CAGE1: variants seen among roughly 807,000 people sequenced by gnomAD.
The protein encoded by CAGE1 is cancer antigen 1.
CAGE1 carries 66 observed loss-of-function variants against 94.9 expected under a neutral mutation model. The ratio of observed to expected loss-of-function variants is 0.70; its 90% CI spans 0.57 to 0.85. The LOEUF is 0.85. Among genes scored for constraint, CAGE1 ranks in the 40% least tolerant of loss-of-function variants. CAGE1 has a pLI of 0.00. For synonymous variants in CAGE1, 319 were observed against 321.0 expected (o/e 0.99, Z 0.07); for missense variants, 865 against 950.4 (o/e 0.91, Z 1.18).
intron 4 of CAGE1, among the ~76,000 whole-genome samples, chr6:7,375,411 A>G (rs373233031): frequency 1.3e-5 from 2 of 152,104 alleles, no homozygotes; most frequent in South Asian, 2.1e-4. Flanking sequence ...TCTGTCTCAA[A>G]AAAACAAAAA....
At position 7,389,504 on chromosome 6, in the gene CAGE1, T is replaced by C. The variant is rs564792241; in HGVS notation, c.-326A>G. 4 of 363,500 alleles carry C rather than the reference T, an allele frequency of 1.1e-5. No individual in the cohort carries two copies. The highest frequency in any genetic ancestry group is 2.2e-5 in the Non-Finnish European group (4 of 183,440). 22.5% of individuals were successfully genotyped at this position (363,500 alleles called of 1,614,324 possible). ...GCAGCCCGCGAGGCCCGAGCGACCC[T>C]ACTGTGGGTGCGGTGTCTTCCCAGA... On this transcript the variant is annotated 5_prime_UTR_variant, in exon 1 of 14. Coordinates refer to ENST00000502583, the MANE Select transcript of CAGE1 (RefSeq NM_001170692.2).
intron 7 of CAGE1, among the ~76,000 whole-genome samples, chr6:7,366,490 G>A (rs1443092013): frequency 2.0e-5 from 3 of 152,112 alleles, no homozygotes; most frequent in African/African-American, 7.2e-5. Context: ...CCCAAAGCAT[G>A]GGCATCTACT....
intron 12 of CAGE1, among the ~76,000 whole-genome samples, chr6:7,331,889 G>A (rs1472779528): frequency 6.6e-6 from 1 of 152,140 alleles, no homozygotes; most frequent in East Asian, 1.9e-4. Context: ...TTTAATTTTG[G>A]TCTTCCATTT....
At chr6:7,338,763 T>C in intron 11 of CAGE1, 1 of 720,506 alleles carries the variant, frequency 1.4e-6, no homozygotes, top group Non-Finnish European at 2.5e-6. Flanking sequence ...TTTTTTTCTG[T>C]CTTTGTACAA....
chr6:7,380,985 A>C (rs6912635), intron 3 of CAGE1, among the ~76,000 whole-genome samples: 1 of 152,112 alleles, frequency 6.6e-6, no homozygotes, highest in African/African-American at 2.4e-5. Flanking sequence ...TGCTCTACAC[A>C]TCTCTCCAAA....
intron 11 of CAGE1, among the ~76,000 whole-genome samples, chr6:7,344,690 G>A (rs1038023798): frequency 2.0e-5 from 3 of 152,358 alleles, no homozygotes; most frequent in African/African-American, 2.4e-5. Context: ...TGAGTCTGGT[G>A]GGAAGGTGGA....
Position 7,373,454 on chromosome 6 carries a change from T to G in CAGE1, c.1365A>C (p.Leu455=), listed in dbSNP as rs1348237402. 6.2e-7 allele frequency: 1 copy of G among 1,613,898 alleles called. No homozygotes were observed. Among genetic ancestry groups the G allele is most frequent in the Non-Finnish European group, 8.5e-7 (1 of 1,179,852 alleles). The change falls in exon 5 of 14, where the codon CTA becomes CTC. Residue 455 remains leucine (L), a synonymous_variant. Coordinates refer to ENST00000502583, the MANE Select transcript of CAGE1 (RefSeq NM_001170692.2). Reference sequence around the variant, plus strand: ...TTTCCAGTTCTTTTTTGAGTTGTTGTAGTCTCTCTACCTCTTCTTCTTTCT... The same window carrying G: ...TTTCCAGTTCTTTTTTGAGTTGTTGGAGTCTCTCTACCTCTTCTTCTTTCT... The part of the protein sequence containing the change: ...LSKKEEEVER[L]QQLKKELEKA...
At chr6:7,331,335 G>C (rs1007189603) in intron 12 of CAGE1, 19 of 1,058,066 alleles carry the variant, frequency 1.8e-5, no homozygotes, top group Admixed American at 2.5e-5. Flanking sequence ...AAAGAGACCC[G>C]TAAGTCTGGA....
intron 12 of CAGE1, 131 bp from the exon 13 acceptor site, chr6:7,330,019 G>A (rs1758692067): frequency 1.7e-6 from 1 of 578,684 alleles, no homozygotes; most frequent in South Asian, 2.3e-5. Context: ...ATTTAAGATA[G>A]AACTATGAGA....
At position 7,387,013 on chromosome 6, in the gene CAGE1, A is replaced by G; in HGVS notation, c.161T>C (p.Met54Thr). The G allele has an allele frequency of 1.9e-6, 3 of 1,552,064 alleles. No individual in the cohort carries two copies. ...GVMLSHSPIC[M>T]ETTGTTCDLP... ...GTCACAAGTGGTGCCGGTGGTTTCC[A>G]TACAGATTGGAGAATGTGAAAGCAT... Residue 54 changes from methionine (M) to threonine (T), a missense_variant, in exon 2 of 14, where the codon ATG (methionine) becomes ACG (threonine). By Grantham distance (81) the Met-to-Thr change is moderately conservative. Coordinates refer to ENST00000502583, the MANE Select transcript of CAGE1 (RefSeq NM_001170692.2).
intron 11 of CAGE1, chr6:7,341,621 G>T: frequency 1.3e-6 from 1 of 787,702 alleles, no homozygotes; most frequent in Non-Finnish European, 2.3e-6. Context: ...TGGAACAGAT[G>T]GGTGTTTGCA....
intron 11 of CAGE1, among the ~76,000 whole-genome samples, chr6:7,346,426 GT>G (rs1359447534): frequency 2.6e-5 from 4 of 151,950 alleles, no homozygotes; most frequent in Admixed American, 2.6e-4. Flanking sequence ...GTGCATGCCT[GT>G]AGTCCCAGCT....
intron 11 of CAGE1, chr6:7,341,057 T>C (rs1759153828): frequency 2.0e-6 from 1 of 495,448 alleles, no homozygotes. Flanking sequence ...TTGATCCAGA[T>C]ATAGAGGCCA....
At chr6:7,374,209 G>C in intron 4 of CAGE1, 78 bp from the exon 5 acceptor site, 1 of 1,178,754 alleles carries the variant, frequency 8.5e-7, no homozygotes, top group Non-Finnish European at 1.2e-6. Flanking sequence ...GGCTGGCCTT[G>C]AATTCTATTA....
Position 7,355,031 on chromosome 6 carries a change from T to C in CAGE1, c.2369+10A>G, listed in dbSNP as rs1246046709. On this transcript the variant is annotated intron_variant, in intron 11 of 13. Coordinates refer to ENST00000502583, the MANE Select transcript of CAGE1 (RefSeq NM_001170692.2). ...ATTCACAAAATTAAGGATTCGTTTT[T>C]TCAACTTACTGTGCAATCTGGGAGT... The C allele has an allele frequency of 1.3e-6, 2 of 1,594,180 alleles. No individual in the cohort carries two copies. Among genetic ancestry groups the C allele is most frequent in the Admixed American group, 3.4e-5 (2 of 58,028 alleles).
Position 7,339,653 on chromosome 6 carries a change from TGA to T in CAGE1, c.2370-5565_2370-5564del. On this transcript the variant is annotated intron_variant, in intron 11 of 13. Transcript: ENST00000502583. The surrounding 1 kb of genome is among the most constrained non-coding windows in gnomAD (Gnocchi z 4.7). ...TCATAGCTTAGCTCCCACTTATGAGTGAGAACATATGATGTTTGGTTTTCCAT... is the reference window on the plus strand; with the variant it reads ...TCATAGCTTAGCTCCCACTTATGAGTGAACATATGATGTTTGGTTTTCCAT... 1.6e-6 allele frequency: 1 copy of T among 609,180 alleles called. No homozygotes were observed. The highest frequency in any genetic ancestry group is 2.8e-5 in the East Asian group (1 of 35,800). The allele number at this position is 609,180 out of a possible 1,614,324, so 37.7% of individuals were successfully genotyped here. A position where few individuals can be genotyped will look rare whatever the true frequency, so the allele number is the denominator to read the frequency against.
At chr6:7,333,577 C>T (rs570287971) in intron 12 of CAGE1, among the ~76,000 whole-genome samples, 1 of 139,744 alleles carries the variant, frequency 7.2e-6, no homozygotes, top group Admixed American at 7.3e-5. Flanking sequence ...ATCTTGTTTA[C>T]CTTAAATTGA....
At chr6:7,351,692 TG>T (rs1334122637) in intron 11 of CAGE1, among the ~76,000 whole-genome samples, 2 of 152,000 alleles carry the variant, frequency 1.3e-5, no homozygotes, top group African/African-American at 4.8e-5. Flanking sequence ...TATGATCAAC[TG>T]GGTTTCACAC....
At chr6:7,337,641 T>C (rs1298646537) in intron 11 of CAGE1, among the ~76,000 whole-genome samples, 2 of 152,234 alleles carry the variant, frequency 1.3e-5, no homozygotes, top group Non-Finnish European at 2.9e-5. Context: ...TTGTTGCCTT[T>C]GTACCTTTGT....
Sources: allele counts gnomAD v4.1 joint callset (sites outside exome capture counted in the v4.1 genomes callset), GRCh38; gene constraint gnomAD v4.1.1; non-coding constraint Gnocchi (gnomAD v3.1); transcripts MANE v1.5; gene names NCBI Gene and HGNC (gene_info 2026-07-23, HGNC 2026-07-21).